The following CASP10 variants were observed in gnomAD, a reference collection of about 807,000 sequenced individuals.
The protein encoded by CASP10 is caspase-10.
A neutral mutation model predicts 48.5 loss-of-function variants in CASP10; 41 were observed. The observed-to-expected ratio is 0.85, with a 90% CI of 0.66 to 1.10. CASP10 has a LOEUF of 1.10. Ranked by LOEUF, CASP10 falls within the 50% of genes least tolerant of loss-of-function variation. CASP10 has a pLI of 0.00. For synonymous variants in CASP10, 232 were observed against 238.4 expected (o/e 0.97, Z 0.25); for missense variants, 614 against 614.5 (o/e 1.00, Z 0.01).
Position 201,220,665 on chromosome 2 carries a change from G to C in CASP10, c.*2924G>C. 4 of 872,420 alleles carry C rather than the reference G, an allele frequency of 4.6e-6. No homozygotes were observed. The highest frequency in any genetic ancestry group is 4.1e-6 in the Non-Finnish European group (3 of 726,988). The allele number at this position is 872,420 out of a possible 1,614,324, so 54.0% of individuals were successfully genotyped here. A position where few individuals can be genotyped will look rare whatever the true frequency, so the allele number is the denominator to read the frequency against. ...TCGGCCAGAAGCCCCTTTCAAATTT[G>C]TTTTCTCTAAAATAAACCTGTCCTT... On this transcript the variant is annotated 3_prime_UTR_variant, in exon 10 of 10. Transcript: ENST00000286186.
At chr2:201,204,307 G>A (rs559660085) in intron 6 of CASP10, among the ~76,000 whole-genome samples, 18 of 152,328 alleles carry the variant, frequency 1.2e-4, no homozygotes, top group East Asian at 3.9e-4. Context: ...AGGCTTTGGC[G>A]AAGTCTTTCT....
intron 2 of CASP10, chr2:201,186,474 G>C (rs1576062591): frequency 9.5e-6 from 3 of 314,502 alleles, no homozygotes; most frequent in African/African-American, 4.2e-5. Flanking sequence ...CTGTCTACCT[G>C]TTTCCCGGGG....
At chr2:201,194,670 G>A (rs1016452503) in intron 4 of CASP10, among the ~76,000 whole-genome samples, 2 of 152,120 alleles carry the variant, frequency 1.3e-5, no homozygotes, top group African/African-American at 2.4e-5. Context: ...AGTAAACATA[G>A]GGCAAGTGGT....
At chr2:201,225,741 G>C (rs1401254180), downstream of CASP10, among the ~76,000 whole-genome samples, 1 of 152,196 alleles carries the variant, frequency 6.6e-6, no homozygotes, top group Non-Finnish European at 1.5e-5. Context: ...GGAGGCCGAG[G>C]CAGGCGGATC....
At chr2:201,207,272 T>G (rs1366611868) in intron 7 of CASP10, among the ~76,000 whole-genome samples, 1 of 152,166 alleles carries the variant, frequency 6.6e-6, no homozygotes, top group Non-Finnish European at 1.5e-5. Flanking sequence ...TTTCAATATG[T>G]GACTTCAGAA....
chr2:201,225,754 C>T (rs1271798641), downstream of CASP10, among the ~76,000 whole-genome samples: 2 of 152,168 alleles, frequency 1.3e-5, no homozygotes, highest in Non-Finnish European at 2.9e-5. Flanking sequence ...GGCGGATCAC[C>T]TGAGGTCAGG....
Position 201,218,235 on chromosome 2 carries a change from A to T in CASP10, c.*494A>T, listed in dbSNP as rs767284867. The T allele has an allele frequency of 9.9e-7, 1 of 1,014,592 alleles. No individual in the cohort carries two copies. The highest frequency in any genetic ancestry group is 1.2e-6 in the Non-Finnish European group (1 of 847,536). The allele number at this position is 1,014,592 out of a possible 1,614,324, so 62.8% of individuals were successfully genotyped here. The stretch of plus-strand genomic sequence containing the variant: ...CACACCTGGCCAGAAAACTTTCATT[A>T]TTGAAGACTTGGATTGTAGCCTTGG... On this transcript the variant is annotated 3_prime_UTR_variant, in exon 10 of 10. Coordinates refer to ENST00000286186, the MANE Select transcript of CASP10 (RefSeq NM_032977.4).
chr2:201,227,452 G>T (rs1945802686), intron 9 of CASP10, among the ~76,000 whole-genome samples: 1 of 152,148 alleles, frequency 6.6e-6, no homozygotes, highest in Non-Finnish European at 1.5e-5. Flanking sequence ...GCAAAATAAT[G>T]ATCTGGATAT....
downstream of CASP10, among the ~76,000 whole-genome samples, chr2:201,223,008 G>A (rs962287264): frequency 3.3e-5 from 5 of 152,124 alleles, no homozygotes; most frequent in African/African-American, 1.2e-4. Context: ...TTTGTTCTCA[G>A]AGACTCTGAG....
chr2:201,208,173 T>G lies in CASP10; in HGVS notation c.912T>G (p.His304Gln). Reference sequence around the variant, plus strand: ...CCCTGAAGGACAGACAAGGAACCCATAAAGATGCTGGTAAGAAAGTCTGGA... The same window carrying G: ...CCCTGAAGGACAGACAAGGAACCCAGAAAGATGCTGGTAAGAAAGTCTGGA... The part of the protein sequence containing the change: ...FTSLKDRQGT[H>Q]KDAEILSHVF... The change falls in exon 8 of 10, where the codon CAT becomes CAG. Residue 304 changes from histidine (H) to glutamine (Q), a missense_variant. Transcript: ENST00000286186. 6.2e-7 allele frequency: 1 copy of G among 1,612,728 alleles called. No homozygotes were observed. The highest frequency in any genetic ancestry group is 8.5e-7 in the Non-Finnish European group (1 of 1,179,478).
chr2:201,220,120 TG>T lies in CASP10; in HGVS notation c.*2381del. 2 of 985,436 alleles carry T rather than the reference TG, an allele frequency of 2.0e-6. No homozygotes were observed. The allele number at this position is 985,436 out of a possible 1,614,324, so 61.0% of individuals were successfully genotyped here. A position where few individuals can be genotyped will look rare whatever the true frequency, so the allele number is the denominator to read the frequency against. Reference sequence around the variant, plus strand: ...TGTTCTGATATCTCTGATTGTCATGTGGATTTGAATGTAGCTTGACAGAGGG... The same window carrying T: ...TGTTCTGATATCTCTGATTGTCATGTGATTTGAATGTAGCTTGACAGAGGG... On this transcript the variant is annotated 3_prime_UTR_variant, in exon 10 of 10. Transcript: ENST00000286186.
In CASP10 at chr2:201,219,550, T is replaced by C; in HGVS notation, c.*1809T>C. 2.0e-6 allele frequency: 2 copies of C among 985,390 alleles called. No individual in the cohort carries two copies. The highest frequency in any genetic ancestry group is 2.4e-6 in the Non-Finnish European group (2 of 829,954). The allele number at this position is 985,390 out of a possible 1,614,324, so 61.0% of individuals were successfully genotyped here. A position where few individuals can be genotyped will look rare whatever the true frequency, so the allele number is the denominator to read the frequency against. On this transcript the variant is annotated 3_prime_UTR_variant, in exon 10 of 10. Transcript: ENST00000286186. ...CACTTTGCTCCTCTGGCCCAAGGCA[T>C]GAGGAGAGAGGCTGTGTCAGAAACT... is the stretch of plus-strand genomic sequence containing the variant.
intron 7 of CASP10, 105 bp downstream of exon 7, chr2:201,206,078 C>T (rs1945195407): frequency 1.0e-5 from 7 of 689,760 alleles, no homozygotes; most frequent in African/African-American, 3.6e-5. Flanking sequence ...GTCCAGCCTT[C>T]GATGATTTTA....
At chr2:201,207,432 C>T (rs1477382954) in intron 7 of CASP10, among the ~76,000 whole-genome samples, 5 of 151,180 alleles carry the variant, frequency 3.3e-5, no homozygotes, top group Non-Finnish European at 7.4e-5. Context: ...ACCAGCCTGG[C>T]CAACATGGTG....
downstream of CASP10, among the ~76,000 whole-genome samples, chr2:201,225,709 C>T (rs1184099582): frequency 1.3e-5 from 2 of 152,158 alleles, no homozygotes; most frequent in Non-Finnish European, 2.9e-5. Context: ...TGGTGGCTCG[C>T]GCCTGTAATC....
intron 4 of CASP10, 24 bp downstream of exon 4, chr2:201,193,143 T>G: frequency 6.2e-7 from 1 of 1,610,758 alleles, no homozygotes; most frequent in Non-Finnish European, 8.5e-7. Flanking sequence ...GATTGCTAAC[T>G]TGGACCAGAC....
At chr2:201,206,234 C>A in intron 7 of CASP10, 1 of 319,672 alleles carries the variant, frequency 3.1e-6, no homozygotes, top group East Asian at 7.2e-5. Context: ...CATGCATACC[C>A]TTTGGGTTAT....
In CASP10 at chr2:201,217,605, C is replaced by G; in HGVS notation, c.1433C>G (p.Ser478Cys). The change falls in exon 10 of 10, where the codon TCC becomes TGC. Residue 478 changes from serine (S) to cysteine (C), a missense_variant. Transcript: ENST00000286186. ...TGTTGCAGACATGAAGACATCTTAT[C>G]CATCCTCACTGCTGTCAACGATGAT... is the stretch of plus-strand genomic sequence containing the variant. ...KLVPRHEDIL[S>C]ILTAVNDDVS... 6.2e-7 allele frequency: 1 copy of G among 1,613,686 alleles called. No individual in the cohort carries two copies. The highest frequency in any genetic ancestry group is 8.5e-7 in the Non-Finnish European group (1 of 1,179,576).
intron 5 of CASP10, among the ~76,000 whole-genome samples, chr2:201,202,183 TC>T (rs974722139): frequency 3.3e-5 from 5 of 152,192 alleles, no homozygotes; most frequent in Non-Finnish European, 1.5e-5. Flanking sequence ...CATAAGGTTT[TC>T]TTAAGGAGAG....
Sources: allele counts gnomAD v4.1 joint callset (sites outside exome capture counted in the v4.1 genomes callset), GRCh38; gene constraint gnomAD v4.1.1; transcripts MANE v1.5; gene names NCBI Gene and HGNC (gene_info 2026-07-23, HGNC 2026-07-21).